Variants in DGKG observed in about 807,000 individuals in gnomAD.
DGKG encodes the protein diacylglycerol kinase gamma.
Under a neutral mutation model 105.3 loss-of-function variants are expected in DGKG, and 78 were observed. The observed-to-expected ratio is 0.74, with a 90% CI of 0.62 to 0.89. The LOEUF is 0.89. Among genes scored for constraint, DGKG ranks in the 40% least tolerant of loss-of-function variants. DGKG has a pLI of 0.00. For missense variants in DGKG, 958 were observed against 1,020.1 expected, an observed-to-expected ratio of 0.94 and a Z score of 0.83; for synonymous variants, 346 against 367.1, an observed-to-expected ratio of 0.94 and a Z score of 0.66.
At position 186,212,063 on chromosome 3, in the gene DGKG, G is replaced by A. The variant is rs763641014; in HGVS notation, c.1827-178C>T. Reference sequence around the variant, plus strand: ...AATTTTTTACCAACTGTTCTTGCTCGGAACTTAGAGAAAATCCACTTATTT... The same window carrying A: ...AATTTTTTACCAACTGTTCTTGCTCAGAACTTAGAGAAAATCCACTTATTT... On this transcript the variant is annotated intron_variant, in intron 20 of 24. Transcript: ENST00000265022. Among the ~76,000 whole-genome samples, 5 of 152,304 alleles carry A rather than the reference G, an allele frequency of 3.3e-5. No homozygotes were observed. In the South Asian group the frequency reaches 6.2e-4, roughly 19 times the overall value.
At chr3:186,321,966 A>G (rs894565092) in intron 1 of DGKG, among the ~76,000 whole-genome samples, 14 of 152,176 alleles carry the variant, frequency 9.2e-5, no homozygotes, top group African/African-American at 3.1e-4. Context: ...TGTCAAGGTC[A>G]TCAGTGACCT....
chr3:186,251,774 A>C lies in DGKG; in HGVS notation c.1746T>G (p.Tyr582Ter). 6.2e-7 allele frequency: 1 copy of C among 1,614,140 alleles called. No individual in the cohort carries two copies. Among genetic ancestry groups the C allele is most frequent in the Non-Finnish European group, 8.5e-7 (1 of 1,179,996 alleles). The change falls in exon 19 of 25, where the codon TAT becomes TAG. Residue 582 changes from tyrosine (Y) to a stop codon, truncating the protein, a stop_gained. Coordinates refer to ENST00000265022, the MANE Select transcript of DGKG (RefSeq NM_001346.3). LOFTEE classifies it high-confidence loss of function. The part of the protein sequence containing the change: ...DQVPYSIMNN[Y>*]FSIGVDASIA... ...ACCAACTCACCACACCAATGGAGAA[A>C]TAGTTGTTCATGATGCTGTATGGGA...
intron 16 of DGKG, among the ~76,000 whole-genome samples, chr3:186,259,101 C>T (rs1017455874): frequency 9.7e-6 from 1 of 103,012 alleles, no homozygotes; most frequent in Non-Finnish European, 1.9e-5. Flanking sequence ...CTCTGCTCTC[C>T]GACGGGACTC....
chr3:186,320,748 A>G, intron 1 of DGKG, 41 bp from the exon 2 acceptor site: 1 of 306,502 alleles, frequency 3.3e-6, no homozygotes, highest in Non-Finnish European at 5.7e-6. Flanking sequence ...GAGAATGTTA[A>G]AAAAAAAAGG....
intron 2 of DGKG, 94 bp downstream of exon 2, chr3:186,320,299 T>G (rs1725019103): frequency 6.9e-7 from 1 of 1,456,978 alleles, no homozygotes; most frequent in African/African-American, 1.4e-5. Flanking sequence ...TCATTCTTTG[T>G]GGCTTTGCAA....
intron 3 of DGKG, chr3:186,306,602 CT>C: frequency 3.2e-6 from 1 of 315,580 alleles, no homozygotes; most frequent in Non-Finnish European, 5.9e-6. Flanking sequence ...AAGATCTGTT[CT>C]GTTTGTTCTA....
chr3:186,177,645 C>T (rs1717148246), intron 22 of DGKG, among the ~76,000 whole-genome samples: 1 of 152,304 alleles, frequency 6.6e-6, no homozygotes, highest in South Asian at 2.1e-4. Context: ...GTTTTCTTGT[C>T]TCCTCCTCTG....
At chr3:186,251,698 G>A (rs1263047536) in intron 19 of DGKG, 61 bp downstream of exon 19, 2 of 1,597,220 alleles carry the variant, frequency 1.3e-6, no homozygotes, top group Non-Finnish European at 1.7e-6. Flanking sequence ...GACAACAGAA[G>A]GCTGGAACCC....
intron 20 of DGKG, among the ~76,000 whole-genome samples, chr3:186,223,508 A>G (rs1178836420): frequency 1.3e-5 from 2 of 151,984 alleles, no homozygotes; most frequent in African/African-American, 4.8e-5. Flanking sequence ...TACCTTTCCC[A>G]TCATGAAATT....
In DGKG at chr3:186,161,590, T is replaced by C; in HGVS notation, c.2277+13A>G. Reference sequence around the variant, plus strand: ...GGCTTCTCATCCCCATCTCAAAGATTGGCAAGACTCACCGTGCAACATGGC... The same window carrying C: ...GGCTTCTCATCCCCATCTCAAAGATCGGCAAGACTCACCGTGCAACATGGC... On this transcript the variant is annotated intron_variant, in intron 24 of 24. Coordinates refer to ENST00000265022, the MANE Select transcript of DGKG (RefSeq NM_001346.3). 1.2e-6 allele frequency: 2 copies of C among 1,614,150 alleles called. No homozygotes were observed. The highest frequency in any genetic ancestry group is 8.5e-7 in the Non-Finnish European group (1 of 1,180,012).
At chr3:186,192,063 G>A (rs1012441575) in intron 21 of DGKG, among the ~76,000 whole-genome samples, 16 of 152,024 alleles carry the variant, frequency 1.1e-4, no homozygotes, top group African/African-American at 2.9e-4. Context: ...GCTGGAGTGC[G>A]GTAGTGTGAT....
chr3:186,157,534 C>T (rs966696961), intron 24 of DGKG, among the ~76,000 whole-genome samples: 11 of 152,082 alleles, frequency 7.2e-5, no homozygotes, highest in African/African-American at 2.7e-4. Flanking sequence ...CACCTAAATA[C>T]GTATTTCCTA....
At chr3:186,158,280 T>C (rs1269477365) in intron 24 of DGKG, 1 of 803,046 alleles carries the variant, frequency 1.2e-6, no homozygotes, top group African/African-American at 1.9e-5. Context: ...CTTTTTTATA[T>C]GATGGAAGAT....
At position 186,362,201 on chromosome 3, in the gene DGKG, T is replaced by C. The variant is rs7617588; in HGVS notation, c.-504A>G. ...GCTCGGAGTTCAGCAGCTCCAAAGC[T>C]GTCTATCTCCGTGGCCCGCTACTAC... On this transcript the variant is annotated 5_prime_UTR_variant, in exon 1 of 25. Coordinates refer to ENST00000265022, the MANE Select transcript of DGKG (RefSeq NM_001346.3). 34,559 of 152,152 alleles carry C rather than the reference T, an allele frequency of 0.23. 5,976 individuals carry two copies. The highest frequency in any genetic ancestry group is 0.49 in the African/African-American group (20,302 of 41,428). The allele number at this position is 152,152 out of a possible 1,614,324, so 9.4% of individuals were successfully genotyped here.
chr3:186,273,325 A>G (rs1578759365), intron 10 of DGKG, among the ~76,000 whole-genome samples: 1 of 149,278 alleles, frequency 6.7e-6, no homozygotes, highest in African/African-American at 2.4e-5. Context: ...AAATGTGGGT[A>G]AGAGCTGGGT....
chr3:186,234,507 A>G (rs1720318420), intron 20 of DGKG, among the ~76,000 whole-genome samples: 1 of 152,236 alleles, frequency 6.6e-6, no homozygotes, highest in African/African-American at 2.4e-5. Context: ...GTAAATACTG[A>G]TAACTTTGGG....
At chr3:186,348,417 A>G (rs1175741810) in intron 1 of DGKG, among the ~76,000 whole-genome samples, 1 of 93,332 alleles carries the variant, frequency 1.1e-5, no homozygotes, top group Non-Finnish European at 2.2e-5. Flanking sequence ...TTTTTTCTGT[A>G]CAAATTACTG....
At chr3:186,213,971 C>A (rs1719159739) in intron 20 of DGKG, among the ~76,000 whole-genome samples, 1 of 152,214 alleles carries the variant, frequency 6.6e-6, no homozygotes, top group South Asian at 2.1e-4. Context: ...CAAAGCTGAG[C>A]ATTCCTTTTT....
At chr3:186,212,207 G>C (rs1719070401) in intron 20 of DGKG, among the ~76,000 whole-genome samples, 1 of 152,216 alleles carries the variant, frequency 6.6e-6, no homozygotes, top group South Asian at 2.1e-4. Flanking sequence ...AGTCAAGCCA[G>C]AGGTGGCAAA....
Sources: gnomAD v4.1 joint callset for allele counts (sites outside exome capture counted in the v4.1 genomes callset) on GRCh38, gnomAD v4.1.1 for gene constraint, MANE v1.5 for transcripts, NCBI Gene and HGNC (gene_info 2026-07-23, HGNC 2026-07-21) for gene names.